THOC2: variants seen among roughly 807,000 people sequenced by gnomAD.
The protein encoded by THOC2 is THO complex subunit 2, also known as THO complex 2.
Under a neutral mutation model 128.4 loss-of-function variants are expected in THOC2, and 10 were observed. The ratio of observed to expected loss-of-function variants is 0.08; its 90% CI spans 0.05 to 0.13. THOC2 has a LOEUF of 0.13. Among genes scored for constraint, THOC2 ranks in the 10% least tolerant of loss-of-function variants. The pLI is 1.00. For missense variants in THOC2, 535 were observed against 1,155.7 expected (o/e 0.46, Z 7.79); for synonymous variants, 393 against 396.9 (o/e 0.99, Z 0.12).
At chrX:123,726,634 C>T (rs1438775413) in intron 1 of THOC2, among the ~76,000 whole-genome samples, 2 of 111,831 alleles carry the variant, frequency 1.8e-5, no homozygotes, top group African/African-American at 3.3e-5. Context: ...CCAATGGTTG[C>T]GGGGAAGAGG....
intron 12 of THOC2, among the ~76,000 whole-genome samples, chrX:123,648,631 G>A (rs2048230459): frequency 9.4e-6 from 1 of 106,873 alleles, no homozygotes; most frequent in Non-Finnish European, 2.0e-5. Flanking sequence ...AGCGGGAGGA[G>A]GGGCGTGTGC....
chrX:123,711,708 G>A (rs747076766), intron 2 of THOC2, among the ~76,000 whole-genome samples: 11 of 110,298 alleles, frequency 1.0e-4, no homozygotes, highest in Non-Finnish European at 1.9e-4. Context: ...GTTTGAACCC[G>A]GGAGGCAGAG....
chrX:123,671,279 A>G (rs1326077715), intron 9 of THOC2, among the ~76,000 whole-genome samples: 1 of 112,036 alleles, frequency 8.9e-6, no homozygotes, highest in Non-Finnish European at 1.9e-5. Flanking sequence ...GAAGCAGTAT[A>G]TAGGTAACTT....
chrX:123,690,385 A>T (rs1031932090), intron 7 of THOC2, among the ~76,000 whole-genome samples: 2 of 112,226 alleles, frequency 1.8e-5, no homozygotes, highest in Non-Finnish European at 3.8e-5. Context: ...ATGTCAATGA[A>T]GCCTGAATAA....
chrX:123,637,970 T>C (rs965691471), intron 18 of THOC2, 73 bp downstream of exon 18: 2 of 726,428 alleles, frequency 2.8e-6, no homozygotes, highest in African/African-American at 2.1e-5. Flanking sequence ...TCTCTAAGCA[T>C]CGGTAATAAA....
At chrX:123,695,855 T>C (rs1603307847) in intron 7 of THOC2, among the ~76,000 whole-genome samples, 166 bp downstream of exon 7, 1 of 111,225 alleles carries the variant, frequency 9.0e-6, no homozygotes, top group Non-Finnish European at 1.9e-5. Context: ...TGCTAAATTT[T>C]ATAATTATTG....
At chrX:123,629,282 T>C (rs192996227) in intron 22 of THOC2, among the ~76,000 whole-genome samples, 12 of 107,095 alleles carry the variant, frequency 1.1e-4, no homozygotes, top group Admixed American at 6.1e-4. Context: ...GCTGCTATTG[T>C]TTCACATCCT....
chrX:123,701,428 TTACTCG>T (rs2050696848), intron 4 of THOC2, among the ~76,000 whole-genome samples: 1 of 111,819 alleles, frequency 8.9e-6, no homozygotes, highest in African/African-American at 3.3e-5. Flanking sequence ...TGAATTCATG[TTACTCG>T]TACAAGACAA....
At chrX:123,632,320 T>C (rs1275797610) in intron 21 of THOC2, among the ~76,000 whole-genome samples, 1 of 108,170 alleles carries the variant, frequency 9.2e-6, no homozygotes, top group East Asian at 2.9e-4. Context: ...GAGGCCCGAC[T>C]CTACAAAAAA....
chrX:123,709,573 A>G (rs1442264477), intron 2 of THOC2, among the ~76,000 whole-genome samples: 1 of 111,639 alleles, frequency 9.0e-6, no homozygotes, highest in Non-Finnish European at 1.9e-5. Flanking sequence ...CCTGGGCGAT[A>G]GAGCGGGAGA....
intron 15 of THOC2, 78 bp from the exon 16 acceptor site, chrX:123,640,700 G>A (rs777345707): frequency 7.2e-6 from 4 of 553,905 alleles, no homozygotes; most frequent in Admixed American, 3.8e-5. Context: ...TTACATCATC[G>A]TGGGGGAAAA....
intron 33 of THOC2, among the ~76,000 whole-genome samples, chrX:123,614,572 T>C (rs758658461): frequency 2.7e-5 from 3 of 110,318 alleles, no homozygotes; most frequent in African/African-American, 9.8e-5. Flanking sequence ...AAAACACCTC[T>C]ACACAATCAT....
chrX:123,658,320 C>T (rs1217160105), intron 12 of THOC2, among the ~76,000 whole-genome samples: 1 of 111,516 alleles, frequency 9.0e-6, no homozygotes, highest in Non-Finnish European at 1.9e-5. Flanking sequence ...GAACACTGAT[C>T]ATCTAAATGC....
At chrX:123,651,884 G>A (rs1246419779) in intron 12 of THOC2, among the ~76,000 whole-genome samples, 4 of 111,011 alleles carry the variant, frequency 3.6e-5, no homozygotes, top group South Asian at 7.6e-4. Flanking sequence ...AGAGGAGCTC[G>A]TACCATTCTT....
intron 38 of THOC2, chrX:123,602,731 G>A (rs752888867): frequency 1.1e-4 from 12 of 111,667 alleles, no homozygotes; most frequent in African/African-American, 3.3e-4. Flanking sequence ...TTTGAGGCCA[G>A]GCGTCATGGC....
intron 7 of THOC2, among the ~76,000 whole-genome samples, chrX:123,695,016 T>C (rs917964714): frequency 1.8e-5 from 2 of 112,155 alleles, no homozygotes; most frequent in Non-Finnish European, 3.8e-5. Context: ...TACTTGTTGG[T>C]AAGAACAAAG....
chrX:123,674,557 A>G (rs2049407794), intron 8 of THOC2, among the ~76,000 whole-genome samples: 1 of 111,612 alleles, frequency 9.0e-6, no homozygotes, highest in Non-Finnish European at 1.9e-5. Context: ...ATCCATTTAC[A>G]TTCAAAATAA....
chrX:123,621,360 T>C lies in THOC2; in HGVS notation c.4013A>G (p.Lys1338Arg). The C allele has an allele frequency of 8.3e-7, 1 of 1,211,311 alleles. No individual in the cohort carries two copies. Among genetic ancestry groups the C allele is most frequent in the Non-Finnish European group, 1.1e-6 (1 of 895,446 alleles). The change falls in exon 31 of 39, where the codon AAA becomes AGA. Residue 1338 changes from lysine (K) to arginine (R), a missense_variant. Around this residue, in one of 9 missense-constraint regions of THOC2, gnomAD observed 116 missense variants for 180.0 expected, o/e 0.64. Transcript: ENST00000245838. ...KEKFKKEEKAKDEKFKTTVPN... is the reference protein window; with the variant it reads ...KEKFKKEEKARDEKFKTTVPN... ...GACAGTGGTCTTAAATTTCTCATCT[T>C]TAGCTTTTTCTTCCTTCTTGAATTT...
At chrX:123,698,096 A>G (rs1447440006) in intron 4 of THOC2, among the ~76,000 whole-genome samples, 1 of 111,786 alleles carries the variant, frequency 8.9e-6, no homozygotes, top group Non-Finnish European at 1.9e-5. Flanking sequence ...TGCTAAAAAA[A>G]AAAAAAAAAG....
Sources: gnomAD v4.1 joint callset for allele counts (sites outside exome capture counted in the v4.1 genomes callset) on GRCh38, gnomAD v4.1.1 for gene constraint, gnomAD v4.1.1 regional missense constraint, MANE v1.5 for transcripts, NCBI Gene and HGNC (gene_info 2026-07-23, HGNC 2026-07-21) for gene names.